Variants in CCDC33 observed in about 807,000 individuals in gnomAD.
The protein encoded by CCDC33 is coiled-coil domain-containing protein 33.
A neutral mutation model predicts 91.9 loss-of-function variants in CCDC33; 94 were observed. The observed-to-expected ratio is 1.02, with a 90% CI of 0.87 to 1.21. CCDC33 has a LOEUF of 1.21. Ranked by LOEUF, CCDC33 falls within the 50% of genes most tolerant of loss-of-function variation. The probability of loss-of-function intolerance (pLI) is 0.00; values close to 1 mark genes in which losing one functional copy is unlikely to be tolerated. For synonymous variants in CCDC33, 396 were observed against 374.5 expected, an observed-to-expected ratio of 1.06 and a Z score of -0.66; for missense variants, 940 against 935.5, an observed-to-expected ratio of 1.00 and a Z score of -0.06.
chr15:74,331,851 G>A (rs532775815), intron 15 of CCDC33, among the ~76,000 whole-genome samples: 110 of 152,238 alleles, frequency 7.2e-4, no homozygotes, highest in African/African-American at 2.5e-3. Flanking sequence ...CCAACATGGT[G>A]AAACCCCATC....
chr15:74,206,473 T>C (rs2074264838), intron 1 of CCDC33, among the ~76,000 whole-genome samples: 1 of 152,174 alleles, frequency 6.6e-6, no homozygotes, highest in African/African-American at 2.4e-5. Flanking sequence ...AAGAGAAGGA[T>C]GGTAATGATG....
chr15:74,283,035 A>T (rs185595069), intron 10 of CCDC33, among the ~76,000 whole-genome samples: 1 of 152,240 alleles, frequency 6.6e-6, no homozygotes, highest in Non-Finnish European at 1.5e-5. Flanking sequence ...CTCATGAAGA[A>T]CACAGGGAAT....
Position 74,282,720 on chromosome 15 carries a change from G to A in CCDC33, c.1095+871G>A, listed in dbSNP as rs1043738001. Reference sequence around the variant, plus strand: ...TTGGAATTCTGTCTACCACAGCTGGGTTGGTCCAAATGTGAAGACACCCAG... The same window carrying A: ...TTGGAATTCTGTCTACCACAGCTGGATTGGTCCAAATGTGAAGACACCCAG... On this transcript the variant is annotated intron_variant, in intron 10 of 18. Coordinates refer to ENST00000398814, the MANE Select transcript of CCDC33 (RefSeq NM_025055.5). 3.3e-5 allele frequency among the ~76,000 whole-genome samples: 5 copies of A among 152,152 alleles called. No homozygotes were observed. In the East Asian group the frequency reaches 9.6e-4, roughly 29 times the overall value.
chr15:74,228,196 G>T (rs1185115231), intron 2 of CCDC33, among the ~76,000 whole-genome samples: 1 of 152,206 alleles, frequency 6.6e-6, no homozygotes, highest in African/African-American at 2.4e-5. Context: ...GAGGCTGAAG[G>T]CGCAGTAGAG....
At chr15:74,291,756 G>C (rs2059588819) in intron 10 of CCDC33, among the ~76,000 whole-genome samples, 1 of 152,230 alleles carries the variant, frequency 6.6e-6, no homozygotes, top group Non-Finnish European at 1.5e-5. Context: ...GAATGGGTAG[G>C]AGGAAGGCAG....
chr15:74,299,189 A>C (rs1226746732), intron 11 of CCDC33, among the ~76,000 whole-genome samples: 3 of 152,202 alleles, frequency 2.0e-5, no homozygotes, highest in Non-Finnish European at 4.4e-5. Context: ...AAGCATGCCC[A>C]CCCTGGGCAT....
At chr15:74,284,252 A>T (rs2059429724) in intron 10 of CCDC33, among the ~76,000 whole-genome samples, 1 of 152,190 alleles carries the variant, frequency 6.6e-6, no homozygotes, top group South Asian at 2.1e-4. Flanking sequence ...TTTGGCTGCC[A>T]TTGTGGATTG....
At chr15:74,303,839 AACCG>A (rs1385591088) in intron 11 of CCDC33, 1 of 152,226 alleles carries the variant, frequency 6.6e-6, no homozygotes. Context: ...AAGACAAGGC[AACCG>A]ACCTAAGCCA....
intron 11 of CCDC33, among the ~76,000 whole-genome samples, chr15:74,324,474 A>T (rs780196871): frequency 1.3e-5 from 2 of 151,484 alleles, no homozygotes; most frequent in Non-Finnish European, 2.9e-5. Flanking sequence ...AAGCCGCAAG[A>T]CTCAAGCGGA....
chr15:74,224,389 A>C (rs1344522341), intron 2 of CCDC33, among the ~76,000 whole-genome samples: 1 of 152,158 alleles, frequency 6.6e-6, no homozygotes. Flanking sequence ...GAGACTCAAA[A>C]TTGCACAGTT....
intron 1 of CCDC33, among the ~76,000 whole-genome samples, chr15:74,208,404 C>A (rs929436682): frequency 1.2e-4 from 18 of 152,124 alleles, no homozygotes; most frequent in African/African-American, 4.1e-4. Flanking sequence ...GTGGTGTGGC[C>A]TTGAGATGTA....
intron 2 of CCDC33, among the ~76,000 whole-genome samples, chr15:74,225,102 C>G (rs1472573571): frequency 6.7e-6 from 1 of 149,616 alleles, no homozygotes; most frequent in Admixed American, 6.6e-5. Flanking sequence ...GACGCTGACT[C>G]ACACCTCCTG....
chr15:74,245,656 G>A (rs1178341035), intron 2 of CCDC33, among the ~76,000 whole-genome samples: 2 of 152,178 alleles, frequency 1.3e-5, no homozygotes, highest in Non-Finnish European at 2.9e-5. Flanking sequence ...ACGCGCGGCA[G>A]GAGCCTAGGC....
chr15:74,323,251 A>T (rs1292280882), intron 11 of CCDC33, among the ~76,000 whole-genome samples: 4 of 152,182 alleles, frequency 2.6e-5, no homozygotes. Flanking sequence ...CAGATCCGGA[A>T]ACTGCTAAGC....
upstream of CCDC33, among the ~76,000 whole-genome samples, chr15:74,231,764 C>T (rs542630014): frequency 5.7e-4 from 87 of 152,236 alleles, no homozygotes; most frequent in African/African-American, 2.0e-3. Context: ...GCCTGTAATC[C>T]CAGCAATTTG....
At chr15:74,235,534 C>T (rs1595907923), upstream of CCDC33, among the ~76,000 whole-genome samples, 2 of 152,168 alleles carry the variant, frequency 1.3e-5, no homozygotes, top group Admixed American at 6.5e-5. Context: ...CAAATCCCTC[C>T]TCTTCTAGCC....
At chr15:74,277,215 A>T (rs1004043854) in intron 7 of CCDC33, among the ~76,000 whole-genome samples, 5 of 152,238 alleles carry the variant, frequency 3.3e-5, no homozygotes, top group African/African-American at 1.2e-4. Context: ...GTAGGTCCCA[A>T]AGAGGAGAAG....
In CCDC33 at chr15:74,218,612, C is replaced by A. The variant is rs770139964; in HGVS notation, c.426C>A (p.Tyr142Ter). ...TGGGTGAGGCCATCTTCCCCATCTA[C>A]CCGAGGCCAGACCAACCCCGCATGA... Residue 142 changes from tyrosine to a stop codon, truncating the protein, a stop_gained, in exon 2 of 3, where the codon TAC (tyrosine) becomes TAA (stop). Transcript: ENST00000635913. LOFTEE classifies it high-confidence loss of function. The surrounding 1 kb of genome is among the most constrained non-coding windows in gnomAD (Gnocchi z 4.8). 4 of 1,289,754 alleles carry A rather than the reference C, an allele frequency of 3.1e-6. No individual in the cohort carries two copies. The Admixed American group carries it at 6.9e-5, about 22-fold the overall frequency. The allele number at this position is 1,289,754 out of a possible 1,614,324, so 79.9% of individuals were successfully genotyped here.
At chr15:74,323,965 C>T (rs899067120) in intron 11 of CCDC33, among the ~76,000 whole-genome samples, 155 of 151,902 alleles carry the variant, frequency 1.0e-3, no homozygotes, top group African/African-American at 3.6e-3. Flanking sequence ...TAGTGGCAGG[C>T]GCCTGTAATC....
Sources: gnomAD v4.1 joint callset for allele counts (sites outside exome capture counted in the v4.1 genomes callset) on GRCh38, gnomAD v4.1.1 for gene constraint, Gnocchi (gnomAD v3.1) non-coding constraint, MANE v1.5 for transcripts, NCBI Gene and HGNC (gene_info 2026-07-23, HGNC 2026-07-21) for gene names.